TTLL4: variants seen among roughly 807,000 people sequenced by gnomAD.
TTLL4 encodes tubulin tyrosine ligase like 4.
A neutral mutation model predicts 122.7 loss-of-function variants in TTLL4; 85 were observed. The observed-to-expected ratio is 0.69, with a 90% CI of 0.58 to 0.83. TTLL4 has a LOEUF of 0.83. Ranked by LOEUF, TTLL4 falls within the 40% of genes least tolerant of loss-of-function variation. The pLI is 0.00. For missense variants in TTLL4, 1,363 were observed against 1,488.6 expected (o/e 0.92, Z 1.39); for synonymous variants, 553 against 563.0 (o/e 0.98, Z 0.25).
At chr2:218,722,791 T>C (rs1411100255) in intron 1 of TTLL4, among the ~76,000 whole-genome samples, 2 of 152,218 alleles carry the variant, frequency 1.3e-5, no homozygotes, top group Non-Finnish European at 2.9e-5. Context: ...GTAGCTTGAC[T>C]AAGGTAATGA....
At chr2:218,718,025 G>A (rs1941917353) in intron 1 of TTLL4, among the ~76,000 whole-genome samples, 3 of 152,274 alleles carry the variant, frequency 2.0e-5, no homozygotes, top group South Asian at 4.1e-4. Flanking sequence ...TCCTGACCTC[G>A]TGATCCACCT....
rs773065769 is a variant in TTLL4 at position 218,740,154 on chromosome 2, T to C, written c.1584T>C (p.Asn528=). The change falls in exon 4 of 20, where the codon AAT becomes AAC. Residue 528 remains asparagine (N), a synonymous_variant. Transcript: ENST00000392102. ...AAGACTGTTGTAGCCGTGATGAGAA[T>C]GAAGAGGAGGAGGGTGAGTAGGAAA... The part of the protein sequence containing the change: ...GLEDCCSRDE[N]EEEEGDSECS... 3 of 1,614,180 alleles carry C rather than the reference T, an allele frequency of 1.9e-6. No individual in the cohort carries two copies. The highest frequency in any genetic ancestry group is 3.3e-5 in the Admixed American group (2 of 60,022).
downstream of TTLL4, among the ~76,000 whole-genome samples, chr2:218,757,506 G>A (rs913370841): frequency 2.6e-5 from 4 of 152,222 alleles, no homozygotes; most frequent in Non-Finnish European, 4.4e-5. Flanking sequence ...GGGAAAGCAA[G>A]CACAGTGGGT....
At chr2:218,715,848 T>C (rs934279890) in intron 1 of TTLL4, among the ~76,000 whole-genome samples, 2 of 152,138 alleles carry the variant, frequency 1.3e-5, no homozygotes, top group Non-Finnish European at 2.9e-5. Flanking sequence ...GCCAGGATGG[T>C]TTCGATCTCC....
chr2:218,747,838 A>G lies in TTLL4; in HGVS notation c.2378+113A>G. 1 of 1,475,526 alleles carries G rather than the reference A, an allele frequency of 6.8e-7. No individual in the cohort carries two copies. The highest frequency in any genetic ancestry group is 2.3e-5 in the East Asian group (1 of 43,980). 91.4% of individuals were successfully genotyped at this position (1,475,526 alleles called of 1,614,324 possible). Reference sequence around the variant, plus strand: ...AAATAGTTTTTGTTAGCAAGGGGAAAGGCAGGAAATGGGAAATATGGAGGC... The same window carrying G: ...AAATAGTTTTTGTTAGCAAGGGGAAGGGCAGGAAATGGGAAATATGGAGGC... On this transcript the variant is annotated intron_variant, in intron 11 of 19. Coordinates refer to ENST00000392102, the MANE Select transcript of TTLL4 (RefSeq NM_014640.5). This position sits in a 1 kb window ranked among gnomAD's most constrained non-coding sequence, Gnocchi z 4.7.
Position 218,747,680 on chromosome 2 carries a change from G to A in TTLL4, c.2333G>A (p.Arg778Gln), listed in dbSNP as rs201938806. ...TATGTCACTTCCTACGATCCTCTGC[G>A]GATTTACCTCTTTTCAGATGGACTG... Reference protein sequence around the residue: ...YVYVTSYDPLRIYLFSDGLVR... With the variant: ...YVYVTSYDPLQIYLFSDGLVR... Residue 778 changes from arginine (R) to glutamine (Q), a missense_variant, in exon 11 of 20, where the codon CGG becomes CAG. Arg to Gln is a conservative substitution (Grantham distance 43). Coordinates refer to ENST00000392102, the MANE Select transcript of TTLL4 (RefSeq NM_014640.5). This position sits in a 1 kb window ranked among gnomAD's most constrained non-coding sequence, Gnocchi z 4.7. 1.8e-5 allele frequency: 29 copies of A among 1,614,072 alleles called. No homozygotes were observed. Among genetic ancestry groups the A allele is most frequent in the Non-Finnish European group, 1.7e-5 (20 of 1,180,036 alleles).
At position 218,747,404 on chromosome 2, in the gene TTLL4, C is replaced by T; in HGVS notation, c.2249+32C>T. On this transcript the variant is annotated intron_variant, in intron 10 of 19. Coordinates refer to ENST00000392102, the MANE Select transcript of TTLL4 (RefSeq NM_014640.5). The surrounding 1 kb of genome is among the most constrained non-coding windows in gnomAD (Gnocchi z 4.7). ...CTGTAGCACATATCCCTTACCCCAT[C>T]CTCCCACCTCCTTGGCCTCGAGGTT... is the stretch of plus-strand genomic sequence containing the variant. The T allele has an allele frequency of 6.2e-7, 1 of 1,607,010 alleles. No homozygotes were observed. Among genetic ancestry groups the T allele is most frequent in the Non-Finnish European group, 8.5e-7 (1 of 1,175,996 alleles).
chr2:218,717,789 TTCTA>T (rs956590404), intron 1 of TTLL4, among the ~76,000 whole-genome samples: 1 of 152,062 alleles, frequency 6.6e-6, no homozygotes, highest in African/African-American at 2.4e-5. Context: ...GGCAAGTCAG[TTCTA>T]TCTTCTTCTT....
chr2:218,735,417 T>A (rs1042024732), intron 2 of TTLL4, among the ~76,000 whole-genome samples: 27 of 151,822 alleles, frequency 1.8e-4, no homozygotes, highest in East Asian at 3.9e-4. Flanking sequence ...TAAAAAAATT[T>A]AAAAAAATCA....
intron 1 of TTLL4, among the ~76,000 whole-genome samples, chr2:218,721,257 A>T (rs1942032050): frequency 6.6e-6 from 1 of 152,194 alleles, no homozygotes; most frequent in Non-Finnish European, 1.5e-5. Context: ...TAATTAATTA[A>T]TTAAGAGGTG....
In TTLL4 at chr2:218,754,595, C is replaced by A; in HGVS notation, c.*206C>A. The A allele has an allele frequency of 1.5e-6, 1 of 676,576 alleles. No individual in the cohort carries two copies. Among genetic ancestry groups the A allele is most frequent in the Non-Finnish European group, 2.4e-6 (1 of 412,220 alleles). The allele number at this position is 676,576 out of a possible 1,614,324, so 41.9% of individuals were successfully genotyped here. ...TGGGGAGAAGGTGAGGAAGGGTCAC[C>A]CTCTGTCACCTGTCTGCCTGGCTGG... On this transcript the variant is annotated 3_prime_UTR_variant, in exon 20 of 20. Coordinates refer to ENST00000392102, the MANE Select transcript of TTLL4 (RefSeq NM_014640.5).
At position 218,747,840 on chromosome 2, in the gene TTLL4, G is replaced by A. The variant is rs1942890949; in HGVS notation, c.2378+115G>A. 6 of 1,456,644 alleles carry A rather than the reference G, an allele frequency of 4.1e-6. No individual in the cohort carries two copies. In the South Asian group the frequency reaches 5.2e-5, roughly 13 times the overall value. 90.2% of individuals were successfully genotyped at this position (1,456,644 alleles called of 1,614,324 possible). A position where few individuals can be genotyped will look rare whatever the true frequency, so the allele number is the denominator to read the frequency against. ...ATAGTTTTTGTTAGCAAGGGGAAAGGCAGGAAATGGGAAATATGGAGGCTC... is the reference window on the plus strand; with the variant it reads ...ATAGTTTTTGTTAGCAAGGGGAAAGACAGGAAATGGGAAATATGGAGGCTC... On this transcript the variant is annotated intron_variant, in intron 11 of 19. Coordinates refer to ENST00000392102, the MANE Select transcript of TTLL4 (RefSeq NM_014640.5). This position sits in a 1 kb window ranked among gnomAD's most constrained non-coding sequence, Gnocchi z 4.7.
At chr2:218,726,014 A>T (rs1039569846) in intron 1 of TTLL4, among the ~76,000 whole-genome samples, 1 of 152,098 alleles carries the variant, frequency 6.6e-6, no homozygotes, top group Admixed American at 6.5e-5. Context: ...AGTGGATTTT[A>T]TGCCTTCAAA....
downstream of TTLL4, among the ~76,000 whole-genome samples, chr2:218,759,554 A>T (rs1330813734): frequency 6.6e-6 from 1 of 152,156 alleles, no homozygotes; most frequent in Non-Finnish European, 1.5e-5. Context: ...CTTGCCAGGG[A>T]CTATAGATGA....
At chr2:218,744,183 T>C (rs548801080) in intron 5 of TTLL4, among the ~76,000 whole-genome samples, 1 of 152,370 alleles carries the variant, frequency 6.6e-6, no homozygotes, top group East Asian at 1.9e-4. Context: ...AACACTGAAG[T>C]GTTTCACATA....
chr2:218,757,643 T>C (rs1439624264), downstream of TTLL4, among the ~76,000 whole-genome samples: 1 of 152,084 alleles, frequency 6.6e-6, no homozygotes, highest in Non-Finnish European at 1.5e-5. Flanking sequence ...ACAGGTACCT[T>C]CTCTTGGTTT....
intron 6 of TTLL4, 147 bp downstream of exon 6, chr2:218,745,380 C>T (rs916480210): frequency 6.5e-6 from 7 of 1,078,938 alleles, no homozygotes; most frequent in Admixed American, 2.4e-5. Flanking sequence ...CCCATGTGGT[C>T]GTAGGTCTGA....
rs772776315 is a variant in TTLL4 at position 218,749,261 on chromosome 2, C to A, written c.2609C>A (p.Pro870His). 6.2e-7 allele frequency: 1 copy of A among 1,614,066 alleles called. No homozygotes were observed. ...CTCATCCCCATGACCAGGTCAGAGCCCTATGTGACCAGCCTGCTCAAGATG... is the reference window on the plus strand; with the variant it reads ...CTCATCCCCATGACCAGGTCAGAGCACTATGTGACCAGCCTGCTCAAGATG... ...VVVKTIISSE[P>H]YVTSLLKMYV... is the part of the protein sequence containing the mutation. The change falls in exon 14 of 20, where the codon CCC (proline) becomes CAC (histidine). Residue 870 changes from proline to histidine, a missense_variant. Physicochemically the swap from Pro to His is moderately conservative, Grantham distance 77. Transcript: ENST00000392102.
At position 218,749,246 on chromosome 2, in the gene TTLL4, T is replaced by C. The variant is rs768404526; in HGVS notation, c.2601-7T>C. 1 of 1,614,062 alleles carries C rather than the reference T, an allele frequency of 6.2e-7. No homozygotes were observed. The highest frequency in any genetic ancestry group is 1.1e-5 in the South Asian group (1 of 91,076). ...TGAACTGAGTACTTCCTCATCCCCA[T>C]GACCAGGTCAGAGCCCTATGTGACC... is the stretch of plus-strand genomic sequence containing the variant. On this transcript the variant is annotated splice_region_variant and splice_polypyrimidine_tract_variant and intron_variant, in intron 13 of 19. Transcript: ENST00000392102.
Sources: allele counts gnomAD v4.1 joint callset (sites outside exome capture counted in the v4.1 genomes callset), GRCh38; gene constraint gnomAD v4.1.1; non-coding constraint Gnocchi (gnomAD v3.1); transcripts MANE v1.5; gene names NCBI Gene and HGNC (gene_info 2026-07-23, HGNC 2026-07-21).